SMARCAL1: variants seen among roughly 807,000 people sequenced by gnomAD.
SMARCAL1 encodes the protein ATP-driven annealing helicase.
In SMARCAL1, 58 loss-of-function variants were observed where a neutral mutation model predicts 94.5. The observed-to-expected ratio is 0.61, with a 90% CI of 0.50 to 0.76. SMARCAL1 has a LOEUF of 0.76. Among genes scored for constraint, SMARCAL1 ranks in the 30% least tolerant of loss-of-function variants. SMARCAL1 has a pLI of 0.00. For synonymous variants in SMARCAL1, 422 were observed against 455.1 expected (o/e 0.93, Z 0.93); for missense variants, 1,051 against 1,177.9 (o/e 0.89, Z 1.58).
intron 15 of SMARCAL1, among the ~76,000 whole-genome samples, chr2:216,476,027 T>C (rs1574484695): frequency 1.3e-5 from 2 of 152,080 alleles, no homozygotes; most frequent in East Asian, 1.9e-4. Flanking sequence ...TAGCCATCAT[T>C]GTGAGCTGCT....
At position 216,432,732 on chromosome 2, in the gene SMARCAL1, A is replaced by G. The variant is rs538075671; in HGVS notation, c.1349A>G (p.Lys450Arg). ...QRAGVNFAIAKGGRLLLADDM... is the reference protein window; with the variant it reads ...QRAGVNFAIARGGRLLLADDM... The stretch of plus-strand genomic sequence containing the variant: ...TCTGCCTTCAGTTTTGCCATAGCCA[A>G]AGGAGGCCGCCTGCTGCTCGCTGAC... Residue 450 changes from lysine (K) to arginine (R), a missense_variant, in exon 8 of 18, where the codon AAA (lysine) becomes AGA (arginine). By Grantham distance (26) the Lys-to-Arg change is conservative. Coordinates refer to ENST00000357276, the MANE Select transcript of SMARCAL1 (RefSeq NM_014140.4). 23 of 1,614,106 alleles carry G rather than the reference A, an allele frequency of 1.4e-5. No homozygotes were observed. The South Asian group carries it at 1.9e-4, about 13-fold the overall frequency.
intron 1 of SMARCAL1, 62 bp downstream of exon 1, chr2:216,412,710 A>T (rs1693489049): frequency 6.5e-6 from 1 of 153,000 alleles, no homozygotes; most frequent in Non-Finnish European, 1.5e-5. Context: ...GCCAGCCTGG[A>T]GGAGGAAGTG....
At chr2:216,425,212 A>G (rs2106025528) in intron 6 of SMARCAL1, among the ~76,000 whole-genome samples, 1 of 152,322 alleles carries the variant, frequency 6.6e-6, no homozygotes, top group Middle Eastern at 3.4e-3. Context: ...TTTGTGAGCA[A>G]GTGAGTGTAG....
At position 216,475,412 on chromosome 2, in the gene SMARCAL1, T is replaced by C. The variant is rs2106086500; in HGVS notation, c.2388T>C (p.Ala796=). 3.7e-6 allele frequency: 6 copies of C among 1,614,212 alleles called. No homozygotes were observed. The highest frequency in any genetic ancestry group is 5.1e-6 in the Non-Finnish European group (6 of 1,180,028). Residue 796 remains alanine (A), a synonymous_variant, in exon 15 of 18, where the codon GCT becomes GCC. Coordinates refer to ENST00000357276, the MANE Select transcript of SMARCAL1 (RefSeq NM_014140.4). This position sits in a 1 kb window ranked among gnomAD's most constrained non-coding sequence, Gnocchi z 4.4. Reference sequence around the variant, plus strand: ...ATATGGGCCTCACCTTCTCCTCGGCTGACCTGGTGGTGTTTGCTGAGCTGT... The same window carrying C: ...ATATGGGCCTCACCTTCTCCTCGGCCGACCTGGTGGTGTTTGCTGAGCTGT... The part of the protein sequence containing the change: ...AANMGLTFSS[A]DLVVFAELFW...
intron 4 of SMARCAL1, among the ~76,000 whole-genome samples, chr2:216,418,576 A>G (rs1293878434): frequency 2.0e-5 from 3 of 152,186 alleles, no homozygotes; most frequent in East Asian, 1.9e-4. Flanking sequence ...TGCTTTAGGT[A>G]TATCTCTGGA....
intron 5 of SMARCAL1, among the ~76,000 whole-genome samples, chr2:216,420,764 G>A (rs1693702562): frequency 6.6e-6 from 1 of 152,100 alleles, no homozygotes; most frequent in Non-Finnish European, 1.5e-5. Flanking sequence ...ATATCCCCCT[G>A]GTCAATATCT....
chr2:216,460,231 G>A (rs995336171), intron 12 of SMARCAL1, among the ~76,000 whole-genome samples: 1 of 152,228 alleles, frequency 6.6e-6, no homozygotes, highest in African/African-American at 2.4e-5. Flanking sequence ...CTTTTACACT[G>A]TTGATGGGAC....
chr2:216,432,946 C>T (rs1305160632), intron 8 of SMARCAL1, 78 bp downstream of exon 8: 1 of 1,560,316 alleles, frequency 6.4e-7, no homozygotes, highest in Non-Finnish European at 8.8e-7. Context: ...GGTTTGCAGA[C>T]AGGGCCTAGG....
chr2:216,441,444 T>C lies in SMARCAL1; in HGVS notation c.1710+2959T>C, dbSNP rs112547210. Among the ~76,000 whole-genome samples the C allele has an allele frequency of 3.3e-3, 501 of 152,318 alleles. 2 individuals carry two copies. The highest frequency in any genetic ancestry group is 0.012 in the African/African-American group (488 of 41,568). ...AAAAGAACAAAGTTAAAATTACCTT[T>C]AATCCCTCCAACAGAAAAAGCCACT... On this transcript the variant is annotated intron_variant, in intron 10 of 17. Coordinates refer to ENST00000357276, the MANE Select transcript of SMARCAL1 (RefSeq NM_014140.4).
At chr2:216,449,798 C>T (rs1013756688) in intron 11 of SMARCAL1, among the ~76,000 whole-genome samples, 2 of 152,062 alleles carry the variant, frequency 1.3e-5, no homozygotes, top group African/African-American at 4.8e-5. Context: ...GTTCCATTTC[C>T]AGTAAGATTG....
At chr2:216,460,298 A>T (rs1282688237) in intron 12 of SMARCAL1, among the ~76,000 whole-genome samples, 1 of 152,236 alleles carries the variant, frequency 6.6e-6, no homozygotes, top group Admixed American at 6.5e-5. Context: ...GGGATGTAGA[A>T]CTAGAAATAC....
intron 8 of SMARCAL1, 87 bp from the exon 9 acceptor site, chr2:216,435,251 T>TTGA: frequency 7.1e-7 from 1 of 1,409,324 alleles, no homozygotes; most frequent in African/African-American, 1.4e-5. Context: ...GTGATGGCTG[T>TTGA]TGATGGGCAT....
At chr2:216,435,058 G>C (rs748650836) in intron 8 of SMARCAL1, among the ~76,000 whole-genome samples, 1 of 151,776 alleles carries the variant, frequency 6.6e-6, no homozygotes, top group South Asian at 2.1e-4. Context: ...GGATTTCTCC[G>C]TGTTGGTCAG....
At chr2:216,469,790 A>G (rs1694922542) in intron 14 of SMARCAL1, among the ~76,000 whole-genome samples, 2 of 152,204 alleles carry the variant, frequency 1.3e-5, no homozygotes. Context: ...TCTTCATACT[A>G]AATGTTGTCA....
chr2:216,451,442 A>G, intron 12 of SMARCAL1: 1 of 306,044 alleles, frequency 3.3e-6, no homozygotes, highest in Non-Finnish European at 6.4e-6. Context: ...TGTTTGATAC[A>G]TATGTTAATC....
At chr2:216,423,553 C>T in intron 5 of SMARCAL1, 80 bp from the exon 6 acceptor site, 13 of 1,213,200 alleles carry the variant, frequency 1.1e-5, no homozygotes, top group Non-Finnish European at 1.3e-5. Context: ...TTTATGAAAC[C>T]AAGGAATAAA....
At chr2:216,424,504 G>T (rs1415984754) in intron 6 of SMARCAL1, among the ~76,000 whole-genome samples, 2 of 152,136 alleles carry the variant, frequency 1.3e-5, no homozygotes, top group Admixed American at 6.5e-5. Flanking sequence ...TACCAATCAG[G>T]CCAGGACAGA....
chr2:216,475,186 G>C lies in SMARCAL1; in HGVS notation c.2245-83G>C. 1.4e-6 allele frequency: 2 copies of C among 1,427,512 alleles called. No individual in the cohort carries two copies. Among genetic ancestry groups the C allele is most frequent in the Non-Finnish European group, 2.0e-6 (2 of 1,017,700 alleles). The allele number at this position is 1,427,512 out of a possible 1,614,324, so 88.4% of individuals were successfully genotyped here. On this transcript the variant is annotated intron_variant, in intron 14 of 17. Transcript: ENST00000357276. The surrounding 1 kb of genome is among the most constrained non-coding windows in gnomAD (Gnocchi z 4.4). Reference sequence around the variant, plus strand: ...CTCTGCTGAGCTGGAACCTGGTTCTGTGCTGGAGCTGTGGCTGGGTGTGGT... The same window carrying C: ...CTCTGCTGAGCTGGAACCTGGTTCTCTGCTGGAGCTGTGGCTGGGTGTGGT...
intron 11 of SMARCAL1, among the ~76,000 whole-genome samples, 154 bp downstream of exon 11, chr2:216,447,312 A>G (rs763794365): frequency 6.6e-6 from 1 of 152,032 alleles, no homozygotes; most frequent in Non-Finnish European, 1.5e-5. Context: ...TGGCCTTGGA[A>G]TGACCTCAGG....
Sources: allele counts gnomAD v4.1 joint callset (sites outside exome capture counted in the v4.1 genomes callset), GRCh38; gene constraint gnomAD v4.1.1; non-coding constraint Gnocchi (gnomAD v3.1); transcripts MANE v1.5; gene names NCBI Gene and HGNC (gene_info 2026-07-23, HGNC 2026-07-21).